Variants in R3HCC1L observed in about 807,000 individuals in gnomAD.
R3HCC1L encodes R3H domain and coiled-coil containing 1 like.
In R3HCC1L, 51 loss-of-function variants were observed where a neutral mutation model predicts 59.9. The observed-to-expected ratio is 0.85, with a 90% CI of 0.68 to 1.07. The LOEUF (loss-of-function observed/expected upper bound fraction) is 1.07. Among genes scored for constraint, R3HCC1L ranks in the 50% least tolerant of loss-of-function variants. The pLI is 0.00. For missense variants in R3HCC1L, 965 were observed against 933.0 expected, an observed-to-expected ratio of 1.03 and a Z score of -0.45; for synonymous variants, 322 against 315.2, an observed-to-expected ratio of 1.02 and a Z score of -0.23.
intron 9 of R3HCC1L, among the ~76,000 whole-genome samples, chr10:98,236,950 A>C (rs1200899334): frequency 1.3e-5 from 2 of 152,170 alleles, no homozygotes; most frequent in African/African-American, 4.8e-5. Context: ...AATTCCACTT[A>C]CCGAAAAGTA....
chr10:98,186,501 A>G, intron 4 of R3HCC1L: 1 of 983,360 alleles, frequency 1.0e-6, no homozygotes, highest in Non-Finnish European at 1.2e-6. Context: ...GGTGGATCTT[A>G]CATAAACCTT....
intron 9 of R3HCC1L, among the ~76,000 whole-genome samples, chr10:98,238,821 T>C (rs1178599743): frequency 6.6e-6 from 1 of 152,258 alleles, no homozygotes; most frequent in African/African-American, 2.4e-5. Context: ...TCTGTACCAA[T>C]GGTTAGCAGC....
Position 98,136,578 on chromosome 10 carries a change from G to C in R3HCC1L, c.-268+1872G>C, listed in dbSNP as rs140896682. On this transcript the variant is annotated intron_variant, in intron 1 of 9. Transcript: ENST00000298999. ...TGTCCAGACGCGGTGCCTCACGCCT[G>C]TAATCCTAGCGCTTTGGGAGGCTGA... Among the ~76,000 whole-genome samples the C allele has an allele frequency of 3.8e-3, 573 of 152,302 alleles. 13 individuals are homozygous for C. The highest frequency in any genetic ancestry group is 0.028 in the Admixed American group (429 of 15,304).
At chr10:98,222,865 C>T (rs1446559448) in intron 5 of R3HCC1L, among the ~76,000 whole-genome samples, 3 of 152,032 alleles carry the variant, frequency 2.0e-5, no homozygotes, top group Admixed American at 6.6e-5. Context: ...ATATCACCAC[C>T]GATCCCACAG....
intron 5 of R3HCC1L, among the ~76,000 whole-genome samples, chr10:98,217,881 T>A (rs767300434): frequency 3.9e-5 from 6 of 152,196 alleles, no homozygotes; most frequent in Non-Finnish European, 5.9e-5. Flanking sequence ...ATCTGGTAAT[T>A]TACTGAATTT....
intron 4 of R3HCC1L, among the ~76,000 whole-genome samples, chr10:98,189,457 C>G (rs953341427): frequency 6.6e-6 from 1 of 152,186 alleles, no homozygotes; most frequent in African/African-American, 2.4e-5. Flanking sequence ...TATGTAAGGT[C>G]TCTCAGTGAG....
At chr10:98,183,293 A>G (rs1343206253) in intron 4 of R3HCC1L, among the ~76,000 whole-genome samples, 1 of 146,418 alleles carries the variant, frequency 6.8e-6, no homozygotes, top group Admixed American at 6.8e-5. Flanking sequence ...GACTTTCAAA[A>G]TTTCTGAAAG....
chr10:98,211,518 T>C (rs926076802), intron 5 of R3HCC1L, among the ~76,000 whole-genome samples: 13 of 152,046 alleles, frequency 8.6e-5, no homozygotes, highest in Admixed American at 7.9e-4. Flanking sequence ...AACTAAAGCA[T>C]TGAGAGAAGG....
intron 5 of R3HCC1L, among the ~76,000 whole-genome samples, chr10:98,230,649 G>C (rs1259110188): frequency 6.6e-6 from 1 of 152,098 alleles, no homozygotes; most frequent in Non-Finnish European, 1.5e-5. Context: ...TGCTTCTCTA[G>C]TTCTTTTAAT....
chr10:98,210,790 A>G (rs1413644708), intron 5 of R3HCC1L, among the ~76,000 whole-genome samples: 2 of 152,164 alleles, frequency 1.3e-5, no homozygotes, highest in African/African-American at 2.4e-5. Flanking sequence ...CTACGAGACT[A>G]TTTCCTCACC....
chr10:98,184,278 C>G (rs1036143984), intron 4 of R3HCC1L, among the ~76,000 whole-genome samples: 2 of 152,142 alleles, frequency 1.3e-5, no homozygotes, highest in Non-Finnish European at 2.9e-5. Context: ...GCTCTTTGCT[C>G]ACAAACAGTC....
At chr10:98,244,005 TA>T in intron 9 of R3HCC1L, 85 bp from the exon 10 acceptor site, 1 of 1,193,792 alleles carries the variant, frequency 8.4e-7, no homozygotes. Flanking sequence ...GTCTCATGAC[TA>T]AAGTTTGCCT....
intron 4 of R3HCC1L, among the ~76,000 whole-genome samples, chr10:98,205,258 G>A (rs1261472936): frequency 6.6e-6 from 1 of 152,046 alleles, no homozygotes; most frequent in East Asian, 1.9e-4. Flanking sequence ...TAATAGAATG[G>A]TGTGCTTTTG....
In R3HCC1L at chr10:98,208,153, A is replaced by G; in HGVS notation, c.39A>G (p.Arg13=). 1 of 1,613,668 alleles carries G rather than the reference A, an allele frequency of 6.2e-7. No homozygotes were observed. Among genetic ancestry groups the G allele is most frequent in the Non-Finnish European group, 8.5e-7 (1 of 1,179,896 alleles). The change falls in exon 5 of 10, where the codon AGA becomes AGG. Residue 13 remains arginine (R), a synonymous_variant. Coordinates refer to ENST00000298999, the MANE Select transcript of R3HCC1L (RefSeq NM_001351015.2). ...CAGAGAGATGCAGAGTTAGAGCCAG[A>G]AGGCCTGACATGGCACTTTATGTAC... ...QESERCRVRA[R]RPDMALYVPK...
intron 5 of R3HCC1L, among the ~76,000 whole-genome samples, chr10:98,213,736 C>CAGAGT (rs1409867808): frequency 6.6e-6 from 1 of 152,132 alleles, no homozygotes; most frequent in African/African-American, 2.4e-5. Context: ...GAACAGAGTA[C>CAGAGT]AGAGTTCCCT....
chr10:98,230,586 C>T lies in R3HCC1L; in HGVS notation c.1786-926C>T, dbSNP rs1009627732. On this transcript the variant is annotated intron_variant, in intron 5 of 9. Transcript: ENST00000298999. ...TGTGTCTCTGTCTCCTTCAGTTCTG[C>T]TCTGATCTTAGTTATTTCTTGCCTT... 3.9e-5 allele frequency among the ~76,000 whole-genome samples: 6 copies of T among 152,112 alleles called. 1 individual carries two copies. Among genetic ancestry groups the T allele is most frequent in the South Asian group, 4.1e-4 (2 of 4,826 alleles).
At chr10:98,160,691 T>G (rs1222014179) in intron 2 of R3HCC1L, among the ~76,000 whole-genome samples, 3 of 152,220 alleles carry the variant, frequency 2.0e-5, no homozygotes, top group African/African-American at 7.2e-5. Context: ...TCTTATTTAT[T>G]CTTCAGTATG....
At chr10:98,189,222 A>G (rs973328840) in intron 4 of R3HCC1L, among the ~76,000 whole-genome samples, 2 of 152,170 alleles carry the variant, frequency 1.3e-5, no homozygotes. Flanking sequence ...AGAGAAAGAA[A>G]CAATAAAAAT....
At chr10:98,213,934 C>T (rs980633521) in intron 5 of R3HCC1L, among the ~76,000 whole-genome samples, 1 of 152,128 alleles carries the variant, frequency 6.6e-6, no homozygotes, top group East Asian at 1.9e-4. Context: ...TTGGGACATT[C>T]AGTGAAGAAT....
Sources: gnomAD v4.1 joint callset for allele counts (sites outside exome capture counted in the v4.1 genomes callset) on GRCh38, gnomAD v4.1.1 for gene constraint, MANE v1.5 for transcripts, NCBI Gene and HGNC (gene_info 2026-07-23, HGNC 2026-07-21) for gene names.